LRRC37A2: variants seen among roughly 807,000 people sequenced by gnomAD.
LRRC37A2 encodes leucine rich repeat containing 37 member A2.
Under a neutral mutation model 68.8 loss-of-function variants are expected in LRRC37A2, and 9 were observed. That is an observed-to-expected ratio of 0.13 (90% CI 0.08 to 0.23). The LOEUF is 0.23. Ranked by LOEUF, LRRC37A2 falls within the 10% of genes least tolerant of loss-of-function variation. The pLI, the probability that LRRC37A2 is intolerant of heterozygous loss-of-function variation, is 1.00. For synonymous variants in LRRC37A2, 63 were observed against 367.6 expected (o/e 0.17, Z 9.48); for missense variants, 168 against 950.4 (o/e 0.18, Z 10.82).
the LRRC37A2 span, among the ~76,000 whole-genome samples, chr17:46,869,796 C>T: frequency 3.9e-5 from 6 of 151,934 alleles, no homozygotes; most frequent in South Asian, 2.1e-4. Flanking sequence ...GTCAGGAGTT[C>T]GAAACCAGCC....
At chr17:46,388,890 G>A in the LRRC37A2 span, among the ~76,000 whole-genome samples, 1 of 52,168 alleles carries the variant, frequency 1.9e-5, no homozygotes, top group Admixed American at 1.8e-4. Context: ...AAGAATGTCA[G>A]ATTGGATTAT....
chr17:46,754,272 C>T, the LRRC37A2 span, among the ~76,000 whole-genome samples: 1 of 149,560 alleles, frequency 6.7e-6, no homozygotes, highest in East Asian at 2.0e-4. Flanking sequence ...AGTCTGACCT[C>T]TTACCTTTGA....
the LRRC37A2 span, among the ~76,000 whole-genome samples, chr17:46,708,491 C>CT: frequency 8.8e-3 from 1,098 of 124,840 alleles, 15 homozygotes; most frequent in Non-Finnish European, 0.01. Context: ...GTTACATATC[C>CT]TTTTTTTTTT....
the LRRC37A2 span, among the ~76,000 whole-genome samples, chr17:46,707,969 G>A: frequency 1.3e-5 from 2 of 151,090 alleles, no homozygotes; most frequent in African/African-American, 4.9e-5. Flanking sequence ...GGAGGTGGAG[G>A]TTGCAGTGAG....
At chr17:46,940,838 T>C in the LRRC37A2 span, 16 of 1,457,080 alleles carry the variant, frequency 1.1e-5, no homozygotes, top group South Asian at 9.8e-5. Context: ...CAGCAGCCAG[T>C]GTGTCTGGAC....
the LRRC37A2 span, among the ~76,000 whole-genome samples, chr17:46,837,281 T>C: frequency 1.3e-5 from 2 of 152,166 alleles, no homozygotes; most frequent in Non-Finnish European, 2.9e-5. Context: ...TTTTGCCCCC[T>C]TCATCCCTTT....
At chr17:46,931,853 G>A in the LRRC37A2 span, 1 of 599,864 alleles carries the variant, frequency 1.7e-6, no homozygotes, top group East Asian at 2.8e-5. Flanking sequence ...CAAGCTGCTG[G>A]AATCTTGTGT....
chr17:46,713,929 T>C, the LRRC37A2 span: 1 of 1,611,480 alleles, frequency 6.2e-7, no homozygotes, highest in Non-Finnish European at 8.5e-7. Flanking sequence ...TCAAGATCTG[T>C]TCTCCTGATA....
At chr17:46,883,217 C>T in the LRRC37A2 span, among the ~76,000 whole-genome samples, 1 of 151,318 alleles carries the variant, frequency 6.6e-6, no homozygotes, top group Admixed American at 6.6e-5. Context: ...CTCCTGACCT[C>T]GTGATCCGCC....
chr17:46,938,469 T>A, the LRRC37A2 span: 2 of 1,420,868 alleles, frequency 1.4e-6, no homozygotes, highest in Non-Finnish European at 9.8e-7. Context: ...CTGGCTGATA[T>A]TGCTTTCTGT....
chr17:46,756,987 G>T, the LRRC37A2 span: 3 of 152,304 alleles, frequency 2.0e-5, no homozygotes, highest in African/African-American at 7.2e-5. Flanking sequence ...CTTATGGAGT[G>T]TGCCTCTCTC....
chr17:47,015,573 T>C, the LRRC37A2 span, among the ~76,000 whole-genome samples: 1 of 152,146 alleles, frequency 6.6e-6, no homozygotes, highest in African/African-American at 2.4e-5. Context: ...TGGCAAGCAA[T>C]GCATGACTGC....
chr17:46,916,431 T>C, the LRRC37A2 span, among the ~76,000 whole-genome samples: 1 of 152,198 alleles, frequency 6.6e-6, no homozygotes, highest in African/African-American at 2.4e-5. Context: ...GAAATCACCT[T>C]CTAGGAATTC....
At chr17:46,834,465 C>A in the LRRC37A2 span, among the ~76,000 whole-genome samples, 4 of 152,288 alleles carry the variant, frequency 2.6e-5, no homozygotes, top group Non-Finnish European at 4.4e-5. Context: ...TCTGCTAGGC[C>A]TGCCGAGGCA....
the LRRC37A2 span, chr17:46,929,710 G>C: frequency 3.0e-6 from 2 of 677,150 alleles, no homozygotes; most frequent in Non-Finnish European, 5.4e-6. Context: ...TTGTTGTTAG[G>C]GTGGACAGAA....
chr17:46,932,245 TG>T, the LRRC37A2 span: 2 of 1,611,024 alleles, frequency 1.2e-6, no homozygotes, highest in East Asian at 2.2e-5. Flanking sequence ...TGACAGATCG[TG>T]GGGGCTGGAG....
the LRRC37A2 span, among the ~76,000 whole-genome samples, chr17:46,477,199 C>T: frequency 1.0e-4 from 1 of 9,530 alleles, no homozygotes; most frequent in Middle Eastern, 0.036. Flanking sequence ...GACACAGACA[C>T]GTAAAGTGAA....
At chr17:46,791,400 T>C in the LRRC37A2 span, among the ~76,000 whole-genome samples, 2 of 151,678 alleles carry the variant, frequency 1.3e-5, no homozygotes, top group Non-Finnish European at 2.9e-5. Flanking sequence ...AGAGACGGGG[T>C]TTCAACATGT....
chr17:46,542,951 G>T (rs1598469251), intron 8 of LRRC37A2, among the ~76,000 whole-genome samples: 3 of 149,952 alleles, frequency 2.0e-5, no homozygotes, highest in Admixed American at 2.0e-4. Flanking sequence ...TGACCAGGTT[G>T]TCAGATCTCT....
Sources: gnomAD v4.1 joint callset for allele counts (sites outside exome capture counted in the v4.1 genomes callset) on GRCh38, gnomAD v4.1.1 for gene constraint, MANE v1.5 for transcripts, NCBI Gene and HGNC (gene_info 2026-07-23, HGNC 2026-07-21) for gene names.